The following SLC7A11 variants were observed in gnomAD, a reference collection of about 807,000 sequenced individuals.
SLC7A11 encodes the protein solute carrier family 7 member 11.
A neutral mutation model predicts 54.5 loss-of-function variants in SLC7A11; 35 were observed. The ratio of observed to expected loss-of-function variants is 0.64; its 90% CI spans 0.49 to 0.85. The LOEUF is 0.85. Among genes scored for constraint, SLC7A11 ranks in the 40% least tolerant of loss-of-function variants. The pLI is 0.00. For synonymous variants in SLC7A11, 230 were observed against 225.2 expected (o/e 1.02, Z -0.19); for missense variants, 583 against 618.1 (o/e 0.94, Z 0.60).
chr4:138,202,371 T>G (rs537995729), intron 6 of SLC7A11, among the ~76,000 whole-genome samples: 1 of 152,216 alleles, frequency 6.6e-6, no homozygotes, highest in Admixed American at 6.6e-5. Flanking sequence ...ATGTAATAAC[T>G]AAGTTTCCAT....
At chr4:138,236,983 CTTTTTTTTTTTT>C (rs34896335) in intron 1 of SLC7A11, among the ~76,000 whole-genome samples, 1 of 111,920 alleles carries the variant, frequency 8.9e-6, no homozygotes, top group South Asian at 3.0e-4. Context: ...TGCAAGATTT[CTTTTTTTTTTTT>C]TTTTTTTTGA....
At chr4:138,214,982 T>C (rs921888047) in intron 5 of SLC7A11, among the ~76,000 whole-genome samples, 1 of 150,680 alleles carries the variant, frequency 6.6e-6, no homozygotes, top group Non-Finnish European at 1.5e-5. Flanking sequence ...TCAAAGGGGG[T>C]TTTCTAGAGG....
At chr4:138,228,328 A>G (rs1737991332) in intron 3 of SLC7A11, among the ~76,000 whole-genome samples, 1 of 152,196 alleles carries the variant, frequency 6.6e-6, no homozygotes, top group South Asian at 2.1e-4. Flanking sequence ...TAATATTCTG[A>G]CATTCAAGTG....
rs1736758995 is a variant in SLC7A11, at chr4:138,182,217, ATCT to A, written c.1116+77_1116+79del. 4.6e-6 allele frequency: 4 copies of A among 874,116 alleles called. No individual in the cohort carries two copies. In the Admixed American group the frequency reaches 7.3e-5, roughly 16 times the overall value. 54.1% of individuals were successfully genotyped at this position (874,116 alleles called of 1,614,324 possible). A position where few individuals can be genotyped will look rare whatever the true frequency, so the allele number is the denominator to read the frequency against. ...GCAATGAATGAGAAAGTAAAATACT[ATCT>A]AATGTCTGGTTGGAATTCCTTTTTG... On this transcript the variant is annotated intron_variant, in intron 9 of 11. Coordinates refer to ENST00000280612, the MANE Select transcript of SLC7A11 (RefSeq NM_014331.4).
intron 6 of SLC7A11, among the ~76,000 whole-genome samples, chr4:138,201,186 AT>A (rs771894171): frequency 2.0e-5 from 3 of 152,050 alleles, no homozygotes; most frequent in Non-Finnish European, 4.4e-5. Context: ...GTTTTTACAT[AT>A]TTTGGCCTAT....
intron 6 of SLC7A11, among the ~76,000 whole-genome samples, chr4:138,197,202 T>A (rs1031786216): frequency 6.6e-6 from 1 of 152,150 alleles, no homozygotes; most frequent in Non-Finnish European, 1.5e-5. Flanking sequence ...TATATAATAA[T>A]TAAATTTATT....
intron 11 of SLC7A11, among the ~76,000 whole-genome samples, chr4:138,174,273 A>C (rs1270356375): frequency 6.6e-6 from 1 of 152,158 alleles, no homozygotes; most frequent in Non-Finnish European, 1.5e-5. Flanking sequence ...AGCAACTTAG[A>C]TCCTGCTGCT....
intron 11 of SLC7A11, among the ~76,000 whole-genome samples, chr4:138,172,909 T>A (rs903726839): frequency 1.3e-5 from 2 of 152,306 alleles, no homozygotes; most frequent in African/African-American, 4.8e-5. Context: ...AATGGTGCGA[T>A]CTCGGCTCAC....
At chr4:138,191,443 A>T (rs1737012114) in intron 6 of SLC7A11, among the ~76,000 whole-genome samples, 1 of 152,180 alleles carries the variant, frequency 6.6e-6, no homozygotes, top group Non-Finnish European at 1.5e-5. Flanking sequence ...AAATGAACAG[A>T]CAAAGATTAA....
At chr4:138,234,921 T>G (rs1376935824) in intron 2 of SLC7A11, among the ~76,000 whole-genome samples, 1 of 152,240 alleles carries the variant, frequency 6.6e-6, no homozygotes, top group Admixed American at 6.5e-5. Flanking sequence ...CACAATATAT[T>G]GTAACTTTAA....
rs377210424 is a variant in SLC7A11 at position 138,238,159 on chromosome 4, AT to A, written c.278-1709del. 1.9e-3 allele frequency among the ~76,000 whole-genome samples: 283 copies of A among 152,250 alleles called. 1 individual carries two copies. Among genetic ancestry groups the A allele is most frequent in the African/African-American group, 6.3e-3 (261 of 41,552 alleles). On this transcript the variant is annotated intron_variant, in intron 1 of 11. Transcript: ENST00000280612. ...CATTTAACGATACAATTCACATAAA[AT>A]TGGACAAATATGCAACTCCCCAAAA...
Position 138,164,260 on chromosome 4 carries a change from A to C in SLC7A11, c.*7696T>G, listed in dbSNP as rs1224460799. 1 of 152,238 alleles carries C rather than the reference A, an allele frequency of 6.6e-6. No homozygotes were observed. The highest frequency in any genetic ancestry group is 1.5e-5 in the Non-Finnish European group (1 of 68,004). The allele number at this position is 152,238 out of a possible 1,614,324, so 9.4% of individuals were successfully genotyped here. On this transcript the variant is annotated 3_prime_UTR_variant, in exon 12 of 12. Coordinates refer to ENST00000280612, the MANE Select transcript of SLC7A11 (RefSeq NM_014331.4). ...ATTCAATGCAAAGTTGAATGACATC[A>C]TATTGCACCAAAATTTATTCCATAC...
At chr4:138,175,023 A>C (rs754907140) in intron 11 of SLC7A11, among the ~76,000 whole-genome samples, 2 of 152,188 alleles carry the variant, frequency 1.3e-5, no homozygotes, top group Non-Finnish European at 2.9e-5. Context: ...TTAAGGCTAC[A>C]AATATTTTCA....
intron 6 of SLC7A11, among the ~76,000 whole-genome samples, chr4:138,211,882 T>C (rs972440305): frequency 2.0e-5 from 3 of 151,776 alleles, no homozygotes; most frequent in Non-Finnish European, 2.9e-5. Context: ...GGTTATAAAG[T>C]ATAAGGAGAA....
rs1314637974 is a variant in SLC7A11 at position 138,185,205 on chromosome 4, G to A, written c.831C>T (p.Val277=). The A allele has an allele frequency of 6.2e-7, 1 of 1,612,040 alleles. No individual in the cohort carries two copies. The highest frequency in any genetic ancestry group is 2.2e-5 in the East Asian group (1 of 44,810). Residue 277 remains valine, a synonymous_variant, in exon 7 of 12, where the codon GTC becomes GTT. Coordinates refer to ENST00000280612, the MANE Select transcript of SLC7A11 (RefSeq NM_014331.4). ...CATTTGTCAGCACATAGCCAATGGT[G>A]ACAATGGCCATGGATATACATATTG... ...PLAICISMAI[V]TIGYVLTNVA...
At chr4:138,238,353 T>TA (rs1215308354) in intron 1 of SLC7A11, among the ~76,000 whole-genome samples, 2 of 152,118 alleles carry the variant, frequency 1.3e-5, no homozygotes, top group African/African-American at 4.8e-5. Context: ...CAAGAAAATT[T>TA]AAAAAAATCC....
chr4:138,224,857 A>AGGAAG (rs1290688580), intron 3 of SLC7A11, among the ~76,000 whole-genome samples: 2 of 132,962 alleles, frequency 1.5e-5, no homozygotes, highest in East Asian at 4.3e-4. Flanking sequence ...GAAGGAAGGA[A>AGGAAG]GGAGAAATAG....
chr4:138,210,281 T>C (rs1162352682), intron 6 of SLC7A11, among the ~76,000 whole-genome samples: 1 of 151,696 alleles, frequency 6.6e-6, no homozygotes, highest in African/African-American at 2.4e-5. Flanking sequence ...AACCTCAAAC[T>C]CTAAAAACCC....
chr4:138,181,917 A>G (rs918382806), intron 9 of SLC7A11, among the ~76,000 whole-genome samples: 4 of 152,118 alleles, frequency 2.6e-5, no homozygotes, highest in African/African-American at 9.7e-5. Flanking sequence ...TGCCTAGATG[A>G]TACATCTGGG....
Sources: gnomAD v4.1 joint callset for allele counts (sites outside exome capture counted in the v4.1 genomes callset) on GRCh38, gnomAD v4.1.1 for gene constraint, MANE v1.5 for transcripts, NCBI Gene and HGNC (gene_info 2026-07-23, HGNC 2026-07-21) for gene names.